RAB9B: variants seen among roughly 807,000 people sequenced by gnomAD.
The protein encoded by RAB9B is RAB9B, member RAS oncogene family.
A neutral mutation model predicts 8.9 loss-of-function variants in RAB9B; 1 was observed. The observed-to-expected ratio is 0.11, with a 90% confidence interval of 0.04 to 0.53. RAB9B has a LOEUF of 0.53. Among genes scored for constraint, RAB9B ranks in the 20% least tolerant of loss-of-function variants. The pLI, the probability that RAB9B is intolerant of heterozygous loss-of-function variation, is 0.93. For missense variants in RAB9B, 82 were observed against 152.9 expected, an observed-to-expected ratio of 0.54 and a Z score of 2.45; for synonymous variants, 63 against 57.0, an observed-to-expected ratio of 1.10 and a Z score of -0.47.
the RAB9B span, among the ~76,000 whole-genome samples, chrX:103,787,265 G>A: frequency 8.9e-6 from 1 of 111,937 alleles, no homozygotes; most frequent in East Asian, 2.8e-4. Context: ...TTTGAGTGAG[G>A]TGCACATTTG....
the RAB9B span, chrX:103,776,877 G>A: frequency 1.4e-6 from 1 of 700,315 alleles, no homozygotes; most frequent in Non-Finnish European, 2.2e-6. Context: ...GATACTCAGA[G>A]AGAAAAAGTA....
the RAB9B span, among the ~76,000 whole-genome samples, chrX:103,805,992 G>A: frequency 9.0e-6 from 1 of 111,303 alleles, no homozygotes; most frequent in South Asian, 3.7e-4. Context: ...CCAGGCTAGA[G>A]TACAATGGTG....
rs774841325 is a variant in RAB9B, at chrX:103,822,884, T to C, written c.*2295A>G. The C allele has an allele frequency of 1.8e-5, 2 of 111,504 alleles. No individual in the cohort carries two copies. The highest frequency in any genetic ancestry group is 3.8e-4 in the South Asian group (1 of 2,666). 9.2% of individuals were successfully genotyped at this position (111,504 alleles called of 1,213,427 possible). ...CTTTCATTAAGATATTGAGTGGTAA[T>C]TTGGTAGAAAACAATGGTATGGCTA... On this transcript the variant is annotated 3_prime_UTR_variant, in exon 3 of 3. Transcript: ENST00000243298.
At chrX:103,807,689 C>T in the RAB9B span, among the ~76,000 whole-genome samples, 1 of 108,850 alleles carries the variant, frequency 9.2e-6, no homozygotes, top group East Asian at 2.9e-4. Context: ...CAGAGAGAAG[C>T]CAAGGGGAGG....
the RAB9B span, among the ~76,000 whole-genome samples, chrX:103,803,724 A>C: frequency 1.8e-5 from 2 of 112,230 alleles, no homozygotes. Context: ...GATTACATGC[A>C]CATGCCATCA....
chrX:103,822,118 C>T (rs1019272704), downstream of RAB9B, among the ~76,000 whole-genome samples: 2 of 111,242 alleles, frequency 1.8e-5, no homozygotes, highest in Admixed American at 9.6e-5. Context: ...ATAAAAAGGA[C>T]CTCCCTGCCC....
the RAB9B span, among the ~76,000 whole-genome samples, chrX:103,784,446 G>A: frequency 3.6e-4 from 40 of 111,810 alleles, no homozygotes; most frequent in African/African-American, 5.2e-4. Context: ...AAATCATTAA[G>A]CCTGCATTTT....
the RAB9B span, chrX:103,789,485 C>T: frequency 6.9e-6 from 5 of 728,929 alleles, no homozygotes; most frequent in Non-Finnish European, 1.1e-5. Context: ...AGGTAGACTG[C>T]TTCCATCCTT....
chrX:103,823,379 G>A lies in RAB9B; in HGVS notation c.*1800C>T, dbSNP rs1263684467. ...ATTATATCTTAATTGGAAATATTGA[G>A]TATGACTGAGTTGAAATACTGTCCT... is the stretch of plus-strand genomic sequence containing the variant. On this transcript the variant is annotated 3_prime_UTR_variant, in exon 3 of 3. Transcript: ENST00000243298. 1 of 111,521 alleles carries A rather than the reference G, an allele frequency of 9.0e-6. No individual in the cohort carries two copies. The highest frequency in any genetic ancestry group is 3.8e-4 in the South Asian group (1 of 2,631). The allele number at this position is 111,521 out of a possible 1,213,427, so 9.2% of individuals were successfully genotyped here. A position where few individuals can be genotyped will look rare whatever the true frequency, so the allele number is the denominator to read the frequency against.
At chrX:103,784,647 G>T in the RAB9B span, among the ~76,000 whole-genome samples, 1 of 112,076 alleles carries the variant, frequency 8.9e-6, no homozygotes, top group Admixed American at 9.5e-5. Flanking sequence ...CACCTGGAAT[G>T]CTCTTCATGC....
At chrX:103,778,928 C>T in the RAB9B span, among the ~76,000 whole-genome samples, 1 of 111,911 alleles carries the variant, frequency 8.9e-6, no homozygotes. Context: ...ACCTTCAATG[C>T]GGGATTCATT....
chrX:103,776,351 G>A, the RAB9B span, among the ~76,000 whole-genome samples: 1 of 109,781 alleles, frequency 9.1e-6, no homozygotes, highest in Non-Finnish European at 1.9e-5. Flanking sequence ...GGGGGTGGGG[G>A]TGGGGGAGGA....
At chrX:103,829,036 T>C (rs1029703613) in intron 1 of RAB9B, among the ~76,000 whole-genome samples, 8 of 111,976 alleles carry the variant, frequency 7.1e-5, no homozygotes, top group African/African-American at 2.3e-4. Flanking sequence ...ATGAAAAGCT[T>C]ATGAAGTTTG....
At chrX:103,778,133 G>A in the RAB9B span, among the ~76,000 whole-genome samples, 1 of 112,158 alleles carries the variant, frequency 8.9e-6, no homozygotes, top group East Asian at 2.8e-4. Flanking sequence ...TATGAACTAT[G>A]TGACCTTGGA....
the RAB9B span, among the ~76,000 whole-genome samples, chrX:103,798,171 T>C: frequency 2.7e-5 from 3 of 112,341 alleles, no homozygotes; most frequent in Non-Finnish European, 5.6e-5. Context: ...ATATTAAACA[T>C]ATGCTTTAAA....
the RAB9B span, among the ~76,000 whole-genome samples, chrX:103,781,690 AAC>A: frequency 8.9e-6 from 1 of 112,450 alleles, no homozygotes; most frequent in South Asian, 3.7e-4. Flanking sequence ...ATGAAAGAAA[AAC>A]ACTGGAGGGG....
At chrX:103,797,114 G>T in the RAB9B span, among the ~76,000 whole-genome samples, 3 of 101,278 alleles carry the variant, frequency 3.0e-5, no homozygotes, top group East Asian at 3.1e-4. Context: ...TTGAAACAGG[G>T]TCTCACTCTG....
the RAB9B span, among the ~76,000 whole-genome samples, chrX:103,813,631 A>G: frequency 1.9e-5 from 2 of 107,399 alleles, no homozygotes; most frequent in African/African-American, 6.8e-5. Context: ...GGCAAATTGG[A>G]TAAAGAGTCA....
At chrX:103,819,374 A>G (rs1358930818), downstream of RAB9B, among the ~76,000 whole-genome samples, 1 of 111,669 alleles carries the variant, frequency 9.0e-6, no homozygotes, top group Non-Finnish European at 1.9e-5. Context: ...ACATGCTTGC[A>G]CACACAAAAC....
Sources: allele counts gnomAD v4.1 joint callset (sites outside exome capture counted in the v4.1 genomes callset), GRCh38; gene constraint gnomAD v4.1.1; transcripts MANE v1.5; gene names NCBI Gene and HGNC (gene_info 2026-07-23, HGNC 2026-07-21).